The following DYNC2H1 variants were observed in gnomAD, a reference collection of about 807,000 sequenced individuals.
DYNC2H1 encodes cytoplasmic dynein 2 heavy chain 1.
Under a neutral mutation model 570.0 loss-of-function variants are expected in DYNC2H1, and 410 were observed. The ratio of observed to expected loss-of-function variants is 0.72; its 90% confidence interval spans 0.66 to 0.78. The LOEUF (loss-of-function observed/expected upper bound fraction) is 0.78, where lower values mean the gene tolerates loss of function less well. Ranked by LOEUF, DYNC2H1 falls within the 30% of genes least tolerant of loss-of-function variation. DYNC2H1 has a pLI of 0.00. For missense variants in DYNC2H1, 4,865 were observed against 5,046.4 expected (o/e 0.96, Z 1.09); for synonymous variants, 1,688 against 1,677.6 (o/e 1.01, Z -0.15).
Position 103,215,705 on chromosome 11 carries a change from TA to T in DYNC2H1, c.8695-15del. On this transcript the variant is annotated splice_polypyrimidine_tract_variant and intron_variant, in intron 54 of 88. Coordinates refer to ENST00000375735, the MANE Select transcript of DYNC2H1 (RefSeq NM_001377.3). ...CCTTTTTTAAAATATTGCCGATCAA[TA>T]TTTTATTGATGTAGGCTGGTGTATC... 2 of 1,564,886 alleles carry T rather than the reference TA, an allele frequency of 1.3e-6. No homozygotes were observed. The highest frequency in any genetic ancestry group is 1.7e-6 in the Non-Finnish European group (2 of 1,156,976).
rs779864480 is a variant in DYNC2H1, at chr11:103,304,753, T to C, written c.11382+33T>C. 1.3e-5 allele frequency: 21 copies of C among 1,598,888 alleles called. No homozygotes were observed. The South Asian group carries it at 2.4e-4, about 18-fold the overall frequency. ...CAGATAAATGTACAAATAATATCTA[T>C]TATACTCAACTTAGCAATCTCCAAG... On this transcript the variant is annotated intron_variant, in intron 77 of 88. Coordinates refer to ENST00000375735, the MANE Select transcript of DYNC2H1 (RefSeq NM_001377.3).
rs202071528 is a variant in DYNC2H1 at position 103,222,987 on chromosome 11, C to T, written c.9254C>T (p.Ala3085Val). 580 of 1,613,402 alleles carry T rather than the reference C, an allele frequency of 3.6e-4. 4 individuals carry two copies. The African/African-American group carries it at 6.9e-3, about 19-fold the overall frequency. ...CAGAATGCTAAGCGTGCCAGTACTG[C>T]AGCTGCACCTTTGGCTGCCTGGGTG... ...DPKNAKRAST[A>V]AAPLAAWVKA... Residue 3085 changes from alanine (A) to valine (V), a missense_variant, in exon 59 of 89, where the codon GCA becomes GTA. Physicochemically the swap from Ala to Val is moderately conservative, Grantham distance 64 (BLOSUM62 0). Around this residue, in one of 5 missense-constraint regions of DYNC2H1, gnomAD observed 2,401 missense variants for 2,454.6 expected, o/e 0.98. Transcript: ENST00000375735.
At position 103,163,905 on chromosome 11, in the gene DYNC2H1, T is replaced by TA. The variant is rs1374589029; in HGVS notation, c.4611+759dup. ...TGTAGTGGCTATTGGAACAGGTTTT[T>TA]ATGTTGATTTTCTGTAAGTATGGAA... On this transcript the variant is annotated intron_variant, in intron 30 of 88. Coordinates refer to ENST00000375735, the MANE Select transcript of DYNC2H1 (RefSeq NM_001377.3). The surrounding 1 kb of genome is among the most constrained non-coding windows in gnomAD (Gnocchi z 4.6). Among the ~76,000 whole-genome samples, 2 of 152,220 alleles carry TA rather than the reference T, an allele frequency of 1.3e-5. No homozygotes were observed. Among genetic ancestry groups the TA allele is most frequent in the African/African-American group, 4.8e-5 (2 of 41,458 alleles).
chr11:103,358,287 T>C lies in DYNC2H1; in HGVS notation c.12084T>C (p.Gly4028=), dbSNP rs1185453958. The C allele has an allele frequency of 6.3e-7, 1 of 1,593,070 alleles. No individual in the cohort carries two copies. Among genetic ancestry groups the C allele is most frequent in the East Asian group, 2.3e-5 (1 of 44,366 alleles). The change falls in exon 83 of 89, where the codon GGT becomes GGC. Residue 4028 remains glycine, a synonymous_variant. Transcript: ENST00000375735. ...TTTTGGGCAGATCCATAACAGCTGG[T>C]TCCAAATTTGATAGAGAAATCTGGT... ...LRILGRSITA[G]SKFDREIWSN... is the part of the protein sequence containing the mutation.
intron 84 of DYNC2H1, among the ~76,000 whole-genome samples, chr11:103,427,570 T>G (rs1943716951): frequency 6.6e-6 from 1 of 152,114 alleles, no homozygotes; most frequent in African/African-American, 2.4e-5. Flanking sequence ...TTCTCACAGT[T>G]CTGAAAGCTG....
chr11:103,381,634 A>G (rs150421881), intron 83 of DYNC2H1, among the ~76,000 whole-genome samples: 7,989 of 152,238 alleles, frequency 0.052, 289 homozygotes, highest in South Asian at 0.086. Context: ...TTTTTAGTAG[A>G]GATGGTGTTT....
rs1860585027 is a variant in DYNC2H1, at chr11:103,152,143, C to CTTTTTTTTTTTT, written c.2954_2955insTTTTTTTTTTTT (p.Pro985_Leu986insPhePhePhePhe). 6.3e-7 allele frequency: 1 copy of CTTTTTTTTTTTT among 1,586,752 alleles called. No individual in the cohort carries two copies. The highest frequency in any genetic ancestry group is 1.4e-5 in the African/African-American group (1 of 72,588). ...TTTTTTTTTAACCTTTAGATTTTGC[C>CTTTTTTTTTTTT]CTTATTTCAAGAAGCTGAAGACAAA... is the stretch of plus-strand genomic sequence containing the variant. On this transcript the variant is annotated inframe_insertion, in exon 21 of 89. Transcript: ENST00000375735.
chr11:103,212,816 A>T (rs1227059913), intron 54 of DYNC2H1, among the ~76,000 whole-genome samples: 3 of 152,122 alleles, frequency 2.0e-5, no homozygotes, highest in Non-Finnish European at 4.4e-5. Flanking sequence ...GGCTTTGGGG[A>T]GGGTTAATTT....
Position 103,117,760 on chromosome 11 carries a change from A to G in DYNC2H1, c.896A>G (p.Asn299Ser), listed in dbSNP as rs1254288988. 6.2e-7 allele frequency: 1 copy of G among 1,613,564 alleles called. No individual in the cohort carries two copies. Residue 299 changes from asparagine (N) to serine (S), a missense_variant, in exon 6 of 89, where the codon AAT (asparagine) becomes AGT (serine). By Grantham distance (46) the Asn-to-Ser change is conservative. Transcript: ENST00000375735. Reference protein sequence around the residue: ...SICEQWVIVCNHLTGQVWQRY... With the variant: ...SICEQWVIVCSHLTGQVWQRY... Reference sequence around the variant, plus strand: ...TGTGAACAGTGGGTGATAGTCTGTAATCATCTAACAGGTCAGGTGTGGCAG... The same window carrying G: ...TGTGAACAGTGGGTGATAGTCTGTAGTCATCTAACAGGTCAGGTGTGGCAG...
At chr11:103,149,769 C>CGT (rs368382492) in intron 20 of DYNC2H1, among the ~76,000 whole-genome samples, 30 of 149,486 alleles carry the variant, frequency 2.0e-4, no homozygotes, top group South Asian at 4.3e-4. Flanking sequence ...CACGTGTGTG[C>CGT]GTGTGTGTGT....
At chr11:103,358,850 G>A (rs911330506) in intron 83 of DYNC2H1, among the ~76,000 whole-genome samples, 1 of 152,120 alleles carries the variant, frequency 6.6e-6, no homozygotes, top group Non-Finnish European at 1.5e-5. Context: ...TGAGAATAAT[G>A]TGTGATTGTT....
intron 83 of DYNC2H1, among the ~76,000 whole-genome samples, chr11:103,396,851 T>C (rs995359616): frequency 3.9e-5 from 6 of 152,180 alleles, no homozygotes; most frequent in Admixed American, 3.9e-4. Flanking sequence ...TGAAGGCCAT[T>C]ATCCTCAGTG....
Position 103,148,569 on chromosome 11 carries a change from T to C in DYNC2H1, c.2898T>C (p.Ile966=), listed in dbSNP as rs1265169247. The C allele has an allele frequency of 1.3e-5, 21 of 1,570,284 alleles. No homozygotes were observed. Among genetic ancestry groups the C allele is most frequent in the Non-Finnish European group, 1.5e-5 (17 of 1,156,182 alleles). Residue 966 remains isoleucine (I), a synonymous_variant, in exon 20 of 89, where the codon ATT becomes ATC. Transcript: ENST00000375735. Reference sequence around the variant, plus strand: ...TTATGCCCCAGTCTGTGGAAGAAATTGGTGATGCAAATCTACAATATAGTA... The same window carrying C: ...TTATGCCCCAGTCTGTGGAAGAAATCGGTGATGCAAATCTACAATATAGTA... ...LTIMPQSVEE[I]GDANLQYSKL...
At chr11:103,315,961 A>C (rs1190938740) in intron 79 of DYNC2H1, among the ~76,000 whole-genome samples, 1 of 152,070 alleles carries the variant, frequency 6.6e-6, no homozygotes, top group Non-Finnish European at 1.5e-5. Flanking sequence ...TTATTTTATT[A>C]CTTAGAACTA....
Position 103,177,531 on chromosome 11 carries a change from T to C in DYNC2H1, c.5875-25T>C, listed in dbSNP as rs1432817026. Reference sequence around the variant, plus strand: ...GTATGATTGAATATTATAAATCATATATGAACATATTTCTTTCCTACTAGA... The same window carrying C: ...GTATGATTGAATATTATAAATCATACATGAACATATTTCTTTCCTACTAGA... On this transcript the variant is annotated intron_variant, in intron 37 of 88. Transcript: ENST00000375735. The surrounding 1 kb of genome is among the most constrained non-coding windows in gnomAD (Gnocchi z 4.4). 6 of 1,584,812 alleles carry C rather than the reference T, an allele frequency of 3.8e-6. No individual in the cohort carries two copies. Among genetic ancestry groups the C allele is most frequent in the Non-Finnish European group, 5.1e-6 (6 of 1,169,336 alleles).
At chr11:103,132,246 G>A (rs1859317358) in intron 13 of DYNC2H1, among the ~76,000 whole-genome samples, 1 of 151,782 alleles carries the variant, frequency 6.6e-6, no homozygotes, top group African/African-American at 2.4e-5. Flanking sequence ...TGTACTCATT[G>A]CATCCTCTGA....
At position 103,319,963 on chromosome 11, in the gene DYNC2H1, C is replaced by T. The variant is rs1174200075; in HGVS notation, c.11726-1066C>T. Among the ~76,000 whole-genome samples the T allele has an allele frequency of 1.3e-5, 2 of 152,096 alleles. No individual in the cohort carries two copies. Among genetic ancestry groups the T allele is most frequent in the Non-Finnish European group, 1.5e-5 (1 of 68,010 alleles). On this transcript the variant is annotated intron_variant, in intron 80 of 88. Coordinates refer to ENST00000375735, the MANE Select transcript of DYNC2H1 (RefSeq NM_001377.3). The surrounding 1 kb of genome is among the most constrained non-coding windows in gnomAD (Gnocchi z 4.3). The stretch of plus-strand genomic sequence containing the variant: ...GGTCCCCTTATCCTGCAGGAGGCAA[C>T]CTAAATCCCTTATGTTCCAAGGCAT...
chr11:103,235,876 T>C, intron 62 of DYNC2H1, 63 bp downstream of exon 62: 2 of 1,584,608 alleles, frequency 1.3e-6, no homozygotes, highest in Admixed American at 3.5e-5. Flanking sequence ...ATTTAAAATT[T>C]CAATATACTA....
rs752844206 is a variant in DYNC2H1, at chr11:103,143,270, A to G, written c.2577A>G (p.Glu859=). The change falls in exon 18 of 89, where the codon GAA becomes GAG. Residue 859 remains glutamate (E), a splice_region_variant and synonymous_variant. Coordinates refer to ENST00000375735, the MANE Select transcript of DYNC2H1 (RefSeq NM_001377.3). ...RLSAVLHQHK[E]WIVIGQVDME... is the part of the protein sequence containing the mutation. ...ACATTTTTTCTTTCTTTAAATAGGA[A>G]TGGATTGTAATTGGGCAAGTTGATA... 2.6e-5 allele frequency: 42 copies of G among 1,612,860 alleles called. No individual in the cohort carries two copies. In the South Asian group the frequency reaches 4.4e-4, roughly 17 times the overall value.
Sources: gnomAD v4.1 joint callset for allele counts (sites outside exome capture counted in the v4.1 genomes callset) on GRCh38, gnomAD v4.1.1 for gene constraint, gnomAD v4.1.1 regional missense constraint, Gnocchi (gnomAD v3.1) non-coding constraint, MANE v1.5 for transcripts, NCBI Gene and HGNC (gene_info 2026-07-23, HGNC 2026-07-21) for gene names.